The following ARL15 variants were observed in gnomAD, a reference collection of about 807,000 sequenced individuals.
ARL15 encodes the protein ARF like GTPase 15.
In ARL15, 19 loss-of-function variants were observed where a neutral mutation model predicts 25.2. The ratio of observed to expected loss-of-function variants is 0.75; its 90% CI spans 0.53 to 1.10. The LOEUF is 1.10. Among genes scored for constraint, ARL15 ranks in the 50% least tolerant of loss-of-function variants. The pLI is 0.00. For synonymous variants in ARL15, 94 were observed against 86.8 expected, an observed-to-expected ratio of 1.08 and a Z score of -0.46; for missense variants, 220 against 246.0, an observed-to-expected ratio of 0.89 and a Z score of 0.71.
intron 1 of ARL15, among the ~76,000 whole-genome samples, chr5:54,298,838 A>G (rs1276855585): frequency 6.7e-6 from 1 of 149,592 alleles, no homozygotes. Flanking sequence ...TTTCCTTCCA[A>G]CCTCTCAGTT....
chr5:54,120,244 G>C (rs761899927), intron 3 of ARL15, among the ~76,000 whole-genome samples: 9 of 152,070 alleles, frequency 5.9e-5, no homozygotes, highest in Non-Finnish European at 1.0e-4. Context: ...TTATGTTTCT[G>C]GTACATACCC....
intron 4 of ARL15, among the ~76,000 whole-genome samples, chr5:54,062,527 AAAAAAAC>A (rs1561208260): frequency 1.3e-5 from 2 of 151,590 alleles, no homozygotes; most frequent in African/African-American, 4.9e-5. Context: ...GAAAAAAAAA[AAAAAAAC>A]AACAGAAGCT....
At position 53,997,447 on chromosome 5, in the gene ARL15, A is replaced by C. The variant is rs1040957750; in HGVS notation, c.463-110734T>G. On this transcript the variant is annotated intron_variant, in intron 4 of 4. Coordinates refer to ENST00000504924, the MANE Select transcript of ARL15 (RefSeq NM_019087.3). Reference sequence around the variant, plus strand: ...AAGGGTACCTTTTATTTCCTGATGAATAGCAGGCCTTCCCACACCACTTCT... The same window carrying C: ...AAGGGTACCTTTTATTTCCTGATGACTAGCAGGCCTTCCCACACCACTTCT... Among the ~76,000 whole-genome samples, 5 of 141,730 alleles carry C rather than the reference A, an allele frequency of 3.5e-5. No individual in the cohort carries two copies. The East Asian group carries it at 1.2e-3, about 34-fold the overall frequency. The allele number at this position is 141,730 out of a possible 152,430, so 93.0% of individuals were successfully genotyped here.
intron 1 of ARL15, among the ~76,000 whole-genome samples, chr5:54,283,675 C>G (rs1758116929): frequency 1.3e-5 from 2 of 152,204 alleles, no homozygotes; most frequent in Admixed American, 1.3e-4. Context: ...GAAATTACCC[C>G]AAGTTGTACC....
chr5:53,982,636 C>T (rs896482439), intron 4 of ARL15, among the ~76,000 whole-genome samples: 36 of 152,034 alleles, frequency 2.4e-4, no homozygotes, highest in Non-Finnish European at 3.8e-4. Flanking sequence ...AACAATGCCA[C>T]GGTAAATATA....
At chr5:54,115,633 G>A (rs865884480) in intron 3 of ARL15, among the ~76,000 whole-genome samples, 2 of 152,184 alleles carry the variant, frequency 1.3e-5, no homozygotes, top group African/African-American at 4.8e-5. Flanking sequence ...TAAAATCTGT[G>A]ATTTCACCAT....
chr5:54,257,519 G>A (rs115272503), intron 1 of ARL15, among the ~76,000 whole-genome samples: 24 of 152,294 alleles, frequency 1.6e-4, no homozygotes, highest in African/African-American at 4.6e-4. Context: ...AAGCCCAGTC[G>A]TGCTTGTAGG....
intron 1 of ARL15, among the ~76,000 whole-genome samples, chr5:54,301,147 T>C (rs985665263): frequency 5.3e-5 from 8 of 152,198 alleles, no homozygotes; most frequent in African/African-American, 1.9e-4. Context: ...CTAGCCGTCT[T>C]TATTTCCCTC....
At chr5:54,247,480 C>T (rs1431067255) in intron 1 of ARL15, among the ~76,000 whole-genome samples, 1 of 150,858 alleles carries the variant, frequency 6.6e-6, no homozygotes, top group East Asian at 2.0e-4. Flanking sequence ...CTGCTAAACT[C>T]AACAACTTCA....
chr5:54,236,434 ACAC>A (rs1756810931), intron 1 of ARL15, among the ~76,000 whole-genome samples: 1 of 151,956 alleles, frequency 6.6e-6, no homozygotes, highest in Non-Finnish European at 1.5e-5. Context: ...ACACACACAC[ACAC>A]ACACACACAA....
intron 4 of ARL15, among the ~76,000 whole-genome samples, chr5:53,917,302 A>C (rs1045734180): frequency 2.6e-5 from 4 of 152,190 alleles, no homozygotes; most frequent in African/African-American, 9.7e-5. Context: ...TTCTCCTAGG[A>C]ATTTGAACAC....
At chr5:53,979,589 T>C (rs1181631778) in intron 4 of ARL15, among the ~76,000 whole-genome samples, 1 of 152,030 alleles carries the variant, frequency 6.6e-6, no homozygotes, top group African/African-American at 2.4e-5. Flanking sequence ...TCTCATACTA[T>C]AGCAACCTCT....
intron 3 of ARL15, 43 bp from the exon 4 acceptor site, chr5:54,113,453 A>G (rs1390976395): frequency 7.0e-6 from 11 of 1,577,868 alleles, no homozygotes; most frequent in Non-Finnish European, 8.6e-6. Context: ...AAGAGCTTTC[A>G]GCAACTGAAA....
At chr5:53,961,986 T>C (rs1747387718) in intron 4 of ARL15, among the ~76,000 whole-genome samples, 1 of 152,230 alleles carries the variant, frequency 6.6e-6, no homozygotes. Context: ...TCCCTACTGA[T>C]AGGCATTTAG....
intron 1 of ARL15, among the ~76,000 whole-genome samples, chr5:54,195,285 T>C (rs1429198005): frequency 6.6e-6 from 1 of 151,974 alleles, no homozygotes; most frequent in African/African-American, 2.4e-5. Flanking sequence ...TCAATGAAAA[T>C]ACAGAAAAAA....
chr5:53,996,250 T>A (rs1485866207), intron 4 of ARL15, among the ~76,000 whole-genome samples: 3 of 152,238 alleles, frequency 2.0e-5, no homozygotes, highest in Non-Finnish European at 4.4e-5. Context: ...CTGACATTTA[T>A]GAGGGGAGCC....
At chr5:53,985,787 G>A (rs1277498595) in intron 4 of ARL15, among the ~76,000 whole-genome samples, 1 of 152,172 alleles carries the variant, frequency 6.6e-6, no homozygotes, top group Non-Finnish European at 1.5e-5. Flanking sequence ...GTATACAACA[G>A]ATCATTCTTT....
At chr5:53,941,133 G>A (rs1051336781) in intron 4 of ARL15, among the ~76,000 whole-genome samples, 1 of 152,126 alleles carries the variant, frequency 6.6e-6, no homozygotes, top group African/African-American at 2.4e-5. Flanking sequence ...CAAAGCATTA[G>A]TCATTCTCTT....
chr5:54,104,644 C>T (rs1180596278), intron 4 of ARL15, among the ~76,000 whole-genome samples: 1 of 152,022 alleles, frequency 6.6e-6, no homozygotes, highest in Non-Finnish European at 1.5e-5. Flanking sequence ...ATATTATGCC[C>T]TATTCTTTTT....
Sources: gnomAD v4.1 joint callset for allele counts (sites outside exome capture counted in the v4.1 genomes callset) on GRCh38, gnomAD v4.1.1 for gene constraint, MANE v1.5 for transcripts, NCBI Gene and HGNC (gene_info 2026-07-23, HGNC 2026-07-21) for gene names.